The following RCOR3 variants were observed in gnomAD, a reference collection of about 807,000 sequenced individuals.
RCOR3 encodes the protein REST corepressor 3.
Under a neutral mutation model 64.1 loss-of-function variants are expected in RCOR3, and 13 were observed. The ratio of observed to expected loss-of-function variants is 0.20; its 90% confidence interval spans 0.13 to 0.32. RCOR3 has a LOEUF of 0.32. Among genes scored for constraint, RCOR3 ranks in the 10% least tolerant of loss-of-function variants. The probability of loss-of-function intolerance (pLI) is 1.00; values close to 1 mark genes in which losing one functional copy is unlikely to be tolerated. For synonymous variants in RCOR3, 215 were observed against 239.0 expected, an observed-to-expected ratio of 0.90 and a Z score of 0.93; for missense variants, 489 against 701.2, an observed-to-expected ratio of 0.70 and a Z score of 3.42.
chr1:211,294,238 T>C (rs1358134247), intron 8 of RCOR3, among the ~76,000 whole-genome samples: 1 of 152,218 alleles, frequency 6.6e-6, no homozygotes, highest in Non-Finnish European at 1.5e-5. Context: ...CTCAATTCAC[T>C]GTATGTTATG....
chr1:211,304,526 C>T (rs1217316475), intron 10 of RCOR3, among the ~76,000 whole-genome samples: 7 of 152,146 alleles, frequency 4.6e-5, no homozygotes. Flanking sequence ...TTTCTCTACT[C>T]TGCAAAATAG....
chr1:211,274,487 C>G (rs1034472375), intron 4 of RCOR3, among the ~76,000 whole-genome samples: 11 of 152,008 alleles, frequency 7.2e-5, no homozygotes, highest in Non-Finnish European at 1.3e-4. Context: ...ATATCTGTTT[C>G]TTATTCTACT....
intron 7 of RCOR3, among the ~76,000 whole-genome samples, chr1:211,283,916 C>T (rs75549703): frequency 0.034 from 5,088 of 151,170 alleles, 269 homozygotes; most frequent in African/African-American, 0.12. Flanking sequence ...ATTCTGGATA[C>T]GAGTCCTTTG....
intron 4 of RCOR3, among the ~76,000 whole-genome samples, chr1:211,274,681 A>G (rs1003567370): frequency 6.6e-6 from 1 of 152,020 alleles, no homozygotes; most frequent in Non-Finnish European, 1.5e-5. Flanking sequence ...GTTCTACAGG[A>G]TCTAAAAGTT....
chr1:211,314,020 G>A lies in RCOR3; in HGVS notation c.*252G>A. 2.3e-6 allele frequency: 1 copy of A among 439,582 alleles called. No individual in the cohort carries two copies. Among genetic ancestry groups the A allele is most frequent in the Non-Finnish European group, 4.0e-6 (1 of 247,460 alleles). The allele number at this position is 439,582 out of a possible 1,614,324, so 27.2% of individuals were successfully genotyped here. A position where few individuals can be genotyped will look rare whatever the true frequency, so the allele number is the denominator to read the frequency against. ...GTTCAGCAATGTTGATCTCATAAAAGGAAAAACAAAAGATTTAAGTATTCT... is the reference window on the plus strand; with the variant it reads ...GTTCAGCAATGTTGATCTCATAAAAAGAAAAACAAAAGATTTAAGTATTCT... On this transcript the variant is annotated 3_prime_UTR_variant, in exon 12 of 12. Coordinates refer to ENST00000419091, the MANE Select transcript of RCOR3 (RefSeq NM_001136223.3).
At chr1:211,287,854 G>T (rs1398218027) in intron 7 of RCOR3, among the ~76,000 whole-genome samples, 1 of 151,990 alleles carries the variant, frequency 6.6e-6, no homozygotes, top group African/African-American at 2.4e-5. Flanking sequence ...CTCCAGCCTG[G>T]GGGACCAAAA....
intron 5 of RCOR3, among the ~76,000 whole-genome samples, chr1:211,277,857 A>G (rs867613529): frequency 6.6e-6 from 1 of 152,174 alleles, no homozygotes; most frequent in East Asian, 1.9e-4. Context: ...CTGCGCTGGG[A>G]ACTTCTGGGG....
intron 7 of RCOR3, among the ~76,000 whole-genome samples, chr1:211,282,301 G>T (rs1321530094): frequency 1.3e-5 from 2 of 152,132 alleles, no homozygotes; most frequent in Non-Finnish European, 2.9e-5. Flanking sequence ...AGGATACCAG[G>T]CAGGGAAAGA....
chr1:211,267,743 G>A lies in RCOR3; in HGVS notation c.224-3489G>A, dbSNP rs188645993. ...AGTAGTTGGGACTACAGGTGCACAC[G>A]ATCACATCCAGCTAATTTTTTGTGT... On this transcript the variant is annotated intron_variant, in intron 2 of 11. Coordinates refer to ENST00000419091, the MANE Select transcript of RCOR3 (RefSeq NM_001136223.3). 2.7e-5 allele frequency: 8 copies of A among 292,000 alleles called. No individual in the cohort carries two copies. The East Asian group carries it at 9.7e-4, about 35-fold the overall frequency. 18.1% of individuals were successfully genotyped at this position (292,000 alleles called of 1,614,324 possible). A position where few individuals can be genotyped will look rare whatever the true frequency, so the allele number is the denominator to read the frequency against.
chr1:211,300,040 G>A (rs866742702), intron 9 of RCOR3, among the ~76,000 whole-genome samples: 3 of 146,176 alleles, frequency 2.1e-5, no homozygotes, highest in Non-Finnish European at 4.5e-5. Flanking sequence ...AGTTTCAACC[G>A]TCCCCTCTGC....
Position 211,310,516 on chromosome 1 carries a change from G to T in RCOR3, c.1076-2204G>T, listed in dbSNP as rs115053849. On this transcript the variant is annotated intron_variant, in intron 10 of 11. Transcript: ENST00000419091. ...TTATAGTTAATTATAAGCATACCTG[G>T]GTGAGTTAGAAAAAGTTGTTGACAT... Among the ~76,000 whole-genome samples the T allele has an allele frequency of 9.0e-3, 1,365 of 152,172 alleles. 16 individuals are homozygous for T. The highest frequency in any genetic ancestry group is 0.031 in the African/African-American group (1,296 of 41,510).
intron 9 of RCOR3, chr1:211,301,842 A>T (rs1700415323): frequency 6.6e-6 from 1 of 152,084 alleles, no homozygotes; most frequent in Non-Finnish European, 1.5e-5. Context: ...GTTTTCTTTC[A>T]TTTTGTTACC....
At position 211,315,020 on chromosome 1, in the gene RCOR3, A is replaced by T. The variant is rs146209600; in HGVS notation, c.*1252A>T. On this transcript the variant is annotated 3_prime_UTR_variant, in exon 12 of 12. Coordinates refer to ENST00000419091, the MANE Select transcript of RCOR3 (RefSeq NM_001136223.3). Reference sequence around the variant, plus strand: ...TTTATAGAAAAACAAAAAGACATCAAGTCTTCTTAATTCAACCCATAATCA... The same window carrying T: ...TTTATAGAAAAACAAAAAGACATCATGTCTTCTTAATTCAACCCATAATCA... The T allele has an allele frequency of 6.8e-4, 103 of 152,350 alleles. No individual in the cohort carries two copies. The highest frequency in any genetic ancestry group is 2.4e-3 in the African/African-American group (101 of 41,594). The allele number at this position is 152,350 out of a possible 1,614,324, so 9.4% of individuals were successfully genotyped here. A position where few individuals can be genotyped will look rare whatever the true frequency, so the allele number is the denominator to read the frequency against.
intron 2 of RCOR3, among the ~76,000 whole-genome samples, chr1:211,266,587 A>G (rs1381012021): frequency 6.6e-6 from 1 of 152,140 alleles, no homozygotes; most frequent in Admixed American, 6.5e-5. Context: ...TTTGTTTTTT[A>G]ATCTATTCAG....
At chr1:211,282,350 C>T (rs550718104) in intron 7 of RCOR3, among the ~76,000 whole-genome samples, 1 of 152,152 alleles carries the variant, frequency 6.6e-6, no homozygotes, top group East Asian at 1.9e-4. Context: ...TTTGTAGCTG[C>T]TTCTGCATGT....
chr1:211,295,707 T>C lies in RCOR3; in HGVS notation c.971T>C (p.Leu324Pro). Reference sequence around the variant, plus strand: ...AATGCTAAGCAAGTAAACAGTGCACTTAAACAGAAAATGGAAGGTGGAATT... The same window carrying C: ...AATGCTAAGCAAGTAAACAGTGCACCTAAACAGAAAATGGAAGGTGGAATT... ...VQNAKQVNSA[L>P]KQKMEGGIEE... The change falls in exon 9 of 12, where the codon CTT becomes CCT. Residue 324 changes from leucine to proline, a missense_variant. Coordinates refer to ENST00000419091, the MANE Select transcript of RCOR3 (RefSeq NM_001136223.3). 1.2e-6 allele frequency: 2 copies of C among 1,613,718 alleles called. No homozygotes were observed. The highest frequency in any genetic ancestry group is 1.7e-6 in the Non-Finnish European group (2 of 1,179,810).
intron 9 of RCOR3, chr1:211,302,423 T>C (rs1322527752): frequency 6.6e-6 from 1 of 152,044 alleles, no homozygotes; most frequent in East Asian, 1.9e-4. Context: ...AAAGAATAAT[T>C]TGAGAACAAA....
At chr1:211,272,639 T>TTTTTA (rs55992235) in intron 3 of RCOR3, among the ~76,000 whole-genome samples, 3 of 134,626 alleles carry the variant, frequency 2.2e-5, no homozygotes, top group South Asian at 2.5e-4. Flanking sequence ...TTTTTTTTTT[T>TTTTTA]GAGACGGAGT....
intron 2 of RCOR3, among the ~76,000 whole-genome samples, chr1:211,263,883 C>T (rs1166458047): frequency 4.0e-5 from 6 of 151,760 alleles, no homozygotes; most frequent in South Asian, 2.1e-4. Context: ...TGCAGTGGTG[C>T]GATCTTGGCT....
Sources: gnomAD v4.1 joint callset for allele counts (sites outside exome capture counted in the v4.1 genomes callset) on GRCh38, gnomAD v4.1.1 for gene constraint, MANE v1.5 for transcripts, NCBI Gene and HGNC (gene_info 2026-07-23, HGNC 2026-07-21) for gene names.